The following FAM13A variants were observed in gnomAD, a reference collection of about 807,000 sequenced individuals.
The protein encoded by FAM13A is family with sequence similarity 13 member A.
In FAM13A, 76 loss-of-function variants were observed where a neutral mutation model predicts 129.6. The observed-to-expected ratio is 0.59, with a 90% CI of 0.49 to 0.71. The LOEUF (loss-of-function observed/expected upper bound fraction) is 0.71. Among genes scored for constraint, FAM13A ranks in the 30% least tolerant of loss-of-function variants. FAM13A has a pLI of 0.00. For missense variants in FAM13A, 1,108 were observed against 1,249.3 expected (o/e 0.89, Z 1.70); for synonymous variants, 443 against 449.9 (o/e 0.98, Z 0.20).
intron 1 of FAM13A, among the ~76,000 whole-genome samples, chr4:89,054,096 C>T (rs1011961233): frequency 1.3e-5 from 2 of 152,090 alleles, no homozygotes; most frequent in African/African-American, 4.8e-5. Context: ...ACATGATTGG[C>T]AATACATTTT....
At chr4:88,965,924 T>C (rs1469931424) in intron 4 of FAM13A, among the ~76,000 whole-genome samples, 1 of 151,354 alleles carries the variant, frequency 6.6e-6, no homozygotes, top group Non-Finnish European at 1.5e-5. Flanking sequence ...ACTCTCTTGG[T>C]TGTATATACT....
rs191492523 is a variant in FAM13A at position 88,891,456 on chromosome 4, G to T, written c.843+14923C>A. ...AAAAGAGTAAGAAAAAAAGAAGAGG[G>T]ACTCTCTCCAATTCACTTTATTAGG... On this transcript the variant is annotated intron_variant, in intron 6 of 23. Transcript: ENST00000264344. 4.3e-4 allele frequency among the ~76,000 whole-genome samples: 65 copies of T among 151,916 alleles called. 1 individual carries two copies. The highest frequency in any genetic ancestry group is 4.3e-3 in the Admixed American group (65 of 15,228).
intron 7 of FAM13A, among the ~76,000 whole-genome samples, chr4:88,807,394 A>G (rs1259188895): frequency 6.6e-6 from 1 of 152,214 alleles, no homozygotes; most frequent in Non-Finnish European, 1.5e-5. Flanking sequence ...AATTATCTCA[A>G]TTAGATACTC....
chr4:88,817,506 T>C (rs1302866097), intron 7 of FAM13A, among the ~76,000 whole-genome samples: 1 of 151,116 alleles, frequency 6.6e-6, no homozygotes, highest in Non-Finnish European at 1.5e-5. Flanking sequence ...GAGGTTGCAA[T>C]GAGCCAAGAT....
At chr4:88,937,948 A>T (rs1754104954) in intron 5 of FAM13A, 140 bp downstream of exon 5, 1 of 619,026 alleles carries the variant, frequency 1.6e-6, no homozygotes, top group East Asian at 2.8e-5. Flanking sequence ...GGAATAATAG[A>T]TTTCATAAGA....
At chr4:88,956,777 T>C (rs1757813240) in intron 4 of FAM13A, among the ~76,000 whole-genome samples, 1 of 152,334 alleles carries the variant, frequency 6.6e-6, no homozygotes, top group East Asian at 1.9e-4. Context: ...CCTTAGCTTG[T>C]GGCCTCCTCT....
chr4:88,865,179 A>G lies in FAM13A; in HGVS notation c.844-13996T>C, dbSNP rs187837065. Among the ~76,000 whole-genome samples the G allele has an allele frequency of 1.6e-3, 248 of 152,318 alleles. 2 individuals are homozygous for G. Among genetic ancestry groups the G allele is most frequent in the Non-Finnish European group, 2.8e-3 (188 of 68,030 alleles). ...ATTTTTCCTATTTACATTGTCTGTT[A>G]TTATTTTTGCCTTAGCCTATATCTC... On this transcript the variant is annotated intron_variant, in intron 6 of 23. Coordinates refer to ENST00000264344, the MANE Select transcript of FAM13A (RefSeq NM_014883.4).
At chr4:88,873,838 A>G (rs973306439) in intron 6 of FAM13A, among the ~76,000 whole-genome samples, 2 of 152,216 alleles carry the variant, frequency 1.3e-5, no homozygotes, top group African/African-American at 4.8e-5. Context: ...CAACAACAAA[A>G]AAGAGAATTT....
At chr4:88,729,214 A>G (rs12648297) in intron 23 of FAM13A, 2 of 152,938 alleles carry the variant, frequency 1.3e-5, no homozygotes, top group African/African-American at 4.8e-5. Context: ...ATGCACAAGT[A>G]TTTGAGAGCT....
chr4:88,792,271 A>G (rs1725341700), intron 8 of FAM13A, among the ~76,000 whole-genome samples: 1 of 152,074 alleles, frequency 6.6e-6, no homozygotes, highest in African/African-American at 2.4e-5. Context: ...ACAGCCATAG[A>G]ACCAAGAAAT....
At chr4:88,965,333 G>A (rs1368617265) in intron 4 of FAM13A, among the ~76,000 whole-genome samples, 1 of 152,140 alleles carries the variant, frequency 6.6e-6, no homozygotes, top group Non-Finnish European at 1.5e-5. Context: ...ACTCTAGGAT[G>A]GTCCTCTATC....
Position 88,818,249 on chromosome 4 carries a change from G to A in FAM13A, c.1008-13197C>T, listed in dbSNP as rs556373373. Among the ~76,000 whole-genome samples the A allele has an allele frequency of 6.2e-4, 94 of 151,898 alleles. 1 individual carries two copies. Among genetic ancestry groups the A allele is most frequent in the African/African-American group, 2.1e-3 (89 of 41,418 alleles). On this transcript the variant is annotated intron_variant, in intron 7 of 23. Coordinates refer to ENST00000264344, the MANE Select transcript of FAM13A (RefSeq NM_014883.4). ...CTCCTGACCTCCAGTGATCCCCCCC[G>A]GACTTGGCCTTCCAGAGTGCTGGGA...
intron 4 of FAM13A, among the ~76,000 whole-genome samples, chr4:88,945,964 CTGTGTG>C (rs763159585): frequency 4.2e-5 from 3 of 70,858 alleles, no homozygotes; most frequent in African/African-American, 1.8e-4. Context: ...CACATAGTAT[CTGTGTG>C]TGTGTGTGTG....
At chr4:88,790,889 A>G (rs574900803) in intron 8 of FAM13A, among the ~76,000 whole-genome samples, 1 of 152,216 alleles carries the variant, frequency 6.6e-6, no homozygotes, top group East Asian at 1.9e-4. Context: ...TTGGAAAACC[A>G]TCTCTTAGCT....
intron 7 of FAM13A, among the ~76,000 whole-genome samples, chr4:88,842,914 A>G (rs188171522): frequency 6.6e-6 from 1 of 152,330 alleles, no homozygotes; most frequent in Admixed American, 6.5e-5. Flanking sequence ...GTAAAGAACA[A>G]TTTGTTCTTT....
intron 7 of FAM13A, among the ~76,000 whole-genome samples, chr4:88,828,338 A>G (rs1733357681): frequency 6.6e-6 from 1 of 151,986 alleles, no homozygotes; most frequent in Admixed American, 6.6e-5. Flanking sequence ...GGTTCTTACT[A>G]TGTTGCCCAG....
In FAM13A at chr4:88,728,532, C is replaced by T. The variant is rs767397872; in HGVS notation, c.*1G>A. 2 of 1,614,166 alleles carry T rather than the reference C, an allele frequency of 1.2e-6. No individual in the cohort carries two copies. Among genetic ancestry groups the T allele is most frequent in the South Asian group, 2.2e-5 (2 of 91,082 alleles). The stretch of plus-strand genomic sequence containing the variant: ...CAGCCCCCTGTGCTTGGCCATGCCC[C>T]TCACATGGACTTGGAATCAGTGTCT... On this transcript the variant is annotated 3_prime_UTR_variant, in exon 24 of 24. Coordinates refer to ENST00000264344, the MANE Select transcript of FAM13A (RefSeq NM_014883.4).
chr4:89,018,361 AAACC>A (rs1287411161), intron 3 of FAM13A, among the ~76,000 whole-genome samples: 1 of 152,202 alleles, frequency 6.6e-6, no homozygotes, highest in African/African-American at 2.4e-5. Flanking sequence ...GCCTCAGGAG[AAACC>A]AACACTGCTG....
At chr4:88,772,996 G>C (rs1243194804) in intron 11 of FAM13A, among the ~76,000 whole-genome samples, 1 of 152,182 alleles carries the variant, frequency 6.6e-6, no homozygotes, top group Non-Finnish European at 1.5e-5. Flanking sequence ...GCTGTGGTTA[G>C]AACACAAAGA....
Sources: allele counts gnomAD v4.1 joint callset (sites outside exome capture counted in the v4.1 genomes callset), GRCh38; gene constraint gnomAD v4.1.1; transcripts MANE v1.5; gene names NCBI Gene and HGNC (gene_info 2026-07-23, HGNC 2026-07-21).